The following PHF24 variants were observed in gnomAD, a reference collection of about 807,000 sequenced individuals.
PHF24 encodes Galpha inhibitory interacting protein.
A neutral mutation model predicts 42.6 loss-of-function variants in PHF24; 25 were observed. The ratio of observed to expected loss-of-function variants is 0.59; its 90% confidence interval spans 0.43 to 0.82. PHF24 has a LOEUF of 0.82. PHF24 is among the 40% of genes least tolerant of loss of function. PHF24 has a pLI of 0.00. For missense variants in PHF24, 470 were observed against 538.1 expected (o/e 0.87, Z 1.25); for synonymous variants, 185 against 204.8 (o/e 0.90, Z 0.83).
the PHF24 span, among the ~76,000 whole-genome samples, chr9:34,737,199 A>G: frequency 6.6e-6 from 1 of 152,162 alleles, no homozygotes; most frequent in Non-Finnish European, 1.5e-5. Context: ...TTCACCTACT[A>G]TTCTACCTTC....
chr9:34,740,540 C>T, the PHF24 span, among the ~76,000 whole-genome samples: 1 of 152,220 alleles, frequency 6.6e-6, no homozygotes, highest in African/African-American at 2.4e-5. Context: ...GTGCAGGGCC[C>T]GCCAAGCCCA....
the PHF24 span, chr9:34,709,607 CT>C: frequency 6.2e-7 from 1 of 1,614,048 alleles, no homozygotes; most frequent in Non-Finnish European, 8.5e-7. Flanking sequence ...TGTCCAGATG[CT>C]GCATCAGCTG....
the PHF24 span, among the ~76,000 whole-genome samples, chr9:34,884,913 C>T: frequency 2.0e-5 from 3 of 152,162 alleles, no homozygotes; most frequent in African/African-American, 7.2e-5. Flanking sequence ...CTGAAATTAC[C>T]ATAATCAAAA....
At chr9:34,744,645 A>G in the PHF24 span, among the ~76,000 whole-genome samples, 1 of 152,200 alleles carries the variant, frequency 6.6e-6, no homozygotes, top group Admixed American at 6.5e-5. Flanking sequence ...TCATTCTGCA[A>G]TGCTTTGCTG....
chr9:34,925,586 T>C, the PHF24 span, among the ~76,000 whole-genome samples: 1 of 152,268 alleles, frequency 6.6e-6, no homozygotes, highest in East Asian at 1.9e-4. Flanking sequence ...ATTGTATTTT[T>C]AATTTCATTC....
chr9:34,878,259 T>G, the PHF24 span, among the ~76,000 whole-genome samples: 1 of 152,302 alleles, frequency 6.6e-6, no homozygotes, highest in Admixed American at 6.5e-5. Flanking sequence ...GGTTCCAAGA[T>G]GGCCAAATAG....
At chr9:34,874,766 T>C in the PHF24 span, among the ~76,000 whole-genome samples, 7 of 152,220 alleles carry the variant, frequency 4.6e-5, no homozygotes, top group Non-Finnish European at 1.0e-4. Context: ...CCGTTTTCAC[T>C]AGACCTTTCA....
chr9:34,780,852 A>G, the PHF24 span, among the ~76,000 whole-genome samples: 47 of 152,368 alleles, frequency 3.1e-4, no homozygotes, highest in African/African-American at 9.6e-4. Context: ...AGCACATGAA[A>G]AGATGCTCAA....
At chr9:34,851,894 C>T in the PHF24 span, among the ~76,000 whole-genome samples, 8 of 152,192 alleles carry the variant, frequency 5.3e-5, no homozygotes, top group African/African-American at 1.4e-4. Flanking sequence ...AAATGATTTA[C>T]ATACCACCAT....
chr9:34,753,689 C>T, the PHF24 span, among the ~76,000 whole-genome samples: 5 of 152,018 alleles, frequency 3.3e-5, no homozygotes, highest in Non-Finnish European at 7.4e-5. Flanking sequence ...CCAAAGCTAT[C>T]CTGAGCAAAA....
At chr9:34,978,120 A>AG in exon 8 of PHF24, 1 of 1,607,714 alleles carries the variant, frequency 6.2e-7, no homozygotes, top group Non-Finnish European at 8.5e-7. Context: ...AGCATGGAGC[A>AG]GAGAAGCTCG....
the PHF24 span, among the ~76,000 whole-genome samples, chr9:34,701,044 A>C: frequency 1.3e-5 from 2 of 152,140 alleles, no homozygotes; most frequent in African/African-American, 4.8e-5. This position sits in a 1 kb window ranked among gnomAD's most constrained non-coding sequence, Gnocchi z 5.8. Flanking sequence ...CCCTCTTCCC[A>C]GCCAAGTCGT....
the PHF24 span, among the ~76,000 whole-genome samples, chr9:34,745,283 T>C: frequency 2.0e-5 from 3 of 152,306 alleles, no homozygotes; most frequent in African/African-American, 7.2e-5. Context: ...ACAGCTATAC[T>C]GGCCAAGCTT....
chr9:34,781,177 T>C, the PHF24 span, among the ~76,000 whole-genome samples: 1 of 152,230 alleles, frequency 6.6e-6, no homozygotes, highest in Non-Finnish European at 1.5e-5. Context: ...TGTGCATAAA[T>C]GTTTATAACA....
chr9:34,671,916 C>T, the PHF24 span, among the ~76,000 whole-genome samples: 1 of 152,074 alleles, frequency 6.6e-6, no homozygotes, highest in Non-Finnish European at 1.5e-5. Context: ...TTTCATCTTT[C>T]ATTTATTTTT....
Position 34,964,649 on chromosome 9 carries a change from C to T in PHF24, c.-5+6248C>T, listed in dbSNP as rs193016897. Among the ~76,000 whole-genome samples, 35 of 152,302 alleles carry T rather than the reference C, an allele frequency of 2.3e-4. No homozygotes were observed. In the East Asian group the frequency reaches 6.6e-3, roughly 29 times the overall value. On this transcript the variant is annotated intron_variant, in intron 1 of 7. Transcript: ENST00000242315. The stretch of plus-strand genomic sequence containing the variant: ...ATTAATAATCCCGCTGAATTCTAAG[C>T]AGGTGCTCTGCAGAAAATGGGTGTG...
the PHF24 span, among the ~76,000 whole-genome samples, chr9:34,687,573 G>A: frequency 6.6e-6 from 1 of 152,130 alleles, no homozygotes; most frequent in Non-Finnish European, 1.5e-5. Context: ...ACCTCCTGGC[G>A]GCAGTGTCAT....
the PHF24 span, among the ~76,000 whole-genome samples, chr9:34,751,320 G>T: frequency 6.6e-6 from 1 of 152,240 alleles, no homozygotes; most frequent in Admixed American, 6.5e-5. Flanking sequence ...AGAAGAGATT[G>T]TGCCATTGCA....
chr9:34,798,116 T>A, the PHF24 span, among the ~76,000 whole-genome samples: 2 of 152,140 alleles, frequency 1.3e-5, no homozygotes, highest in African/African-American at 4.8e-5. Context: ...TGTATCCAGA[T>A]TTTGTTGGTG....
Sources: allele counts gnomAD v4.1 joint callset (sites outside exome capture counted in the v4.1 genomes callset), GRCh38; gene constraint gnomAD v4.1.1; non-coding constraint Gnocchi (gnomAD v3.1); transcripts MANE v1.5; gene names NCBI Gene and HGNC (gene_info 2026-07-23, HGNC 2026-07-21).